The following UBE2W variants were observed in gnomAD, a reference collection of about 807,000 sequenced individuals.
UBE2W encodes ubiquitin-conjugating enzyme E2 W.
A neutral mutation model predicts 27.2 loss-of-function variants in UBE2W; 18 were observed. That is an observed-to-expected ratio of 0.66 (90% CI 0.46 to 0.98). UBE2W has a LOEUF of 0.98. Ranked by LOEUF, UBE2W falls within the 50% of genes least tolerant of loss-of-function variation. The probability of loss-of-function intolerance (pLI) is 0.00; values close to 1 mark genes in which losing one functional copy is unlikely to be tolerated. For synonymous variants in UBE2W, 53 were observed against 57.2 expected (o/e 0.93, Z 0.33); for missense variants, 90 against 180.2 (o/e 0.50, Z 2.87).
chr8:73,783,888 A>G (rs1011486052), downstream of UBE2W, among the ~76,000 whole-genome samples: 6 of 152,102 alleles, frequency 3.9e-5, no homozygotes, highest in Non-Finnish European at 5.9e-5. Flanking sequence ...CAGCCTCCCA[A>G]GTAGCTGGGA....
intron 4 of UBE2W, among the ~76,000 whole-genome samples, chr8:73,806,082 G>A (rs942791679): frequency 1.3e-5 from 2 of 152,054 alleles, no homozygotes; most frequent in Non-Finnish European, 2.9e-5. Flanking sequence ...TTGAACCCGG[G>A]AGGCAGAGGT....
chr8:73,813,083 C>CAAAAAAAAAAAAAAAAAAAAAA (rs56094830), intron 3 of UBE2W, among the ~76,000 whole-genome samples: 2 of 43,430 alleles, frequency 4.6e-5, no homozygotes, highest in Non-Finnish European at 8.1e-5. Context: ...GAAAGTGCCA[C>CAAAAAAAAAAAAAAAAAAAAAA]AAAAAAAAAA....
intron 1 of UBE2W, among the ~76,000 whole-genome samples, chr8:73,846,829 T>C (rs570367468): frequency 2.6e-5 from 4 of 152,264 alleles, no homozygotes; most frequent in African/African-American, 9.6e-5. Flanking sequence ...CTTTAGATTA[T>C]AATAAGTATG....
At chr8:73,855,802 TA>T (rs1181936017) in intron 1 of UBE2W, among the ~76,000 whole-genome samples, 3 of 152,220 alleles carry the variant, frequency 2.0e-5, no homozygotes, top group Admixed American at 1.3e-4. Flanking sequence ...TTTTTGTTAA[TA>T]AAAAAATCAT....
chr8:73,786,167 T>C (rs1239027105), downstream of UBE2W: 1 of 952,614 alleles, frequency 1.0e-6, no homozygotes, highest in Non-Finnish European at 1.2e-6. Flanking sequence ...GACAAGCAAT[T>C]TGCCTCAGAG....
chr8:73,856,162 TAAAC>T (rs1811289225), intron 1 of UBE2W, among the ~76,000 whole-genome samples: 1 of 152,096 alleles, frequency 6.6e-6, no homozygotes, highest in Non-Finnish European at 1.5e-5. Context: ...GTCAACCAAA[TAAAC>T]AAATTACCAT....
intron 1 of UBE2W, 89 bp downstream of exon 1, chr8:73,878,719 T>G: frequency 8.3e-7 from 1 of 1,198,902 alleles, no homozygotes; most frequent in Non-Finnish European, 1.2e-6. Context: ...CGCCCGGGTG[T>G]CCCCGAATCG....
At chr8:73,822,346 G>T (rs1463132816) in intron 3 of UBE2W, among the ~76,000 whole-genome samples, 2 of 151,976 alleles carry the variant, frequency 1.3e-5, no homozygotes, top group Non-Finnish European at 2.9e-5. Context: ...GAAGGTGACC[G>T]CTTCCACCTT....
intron 1 of UBE2W, among the ~76,000 whole-genome samples, chr8:73,874,779 T>C (rs1311614316): frequency 1.3e-5 from 2 of 152,242 alleles, no homozygotes; most frequent in African/African-American, 4.8e-5. Context: ...GATGGTTTCT[T>C]AAGACTGGGC....
intron 3 of UBE2W, among the ~76,000 whole-genome samples, chr8:73,814,873 G>C (rs1242539192): frequency 1.3e-5 from 2 of 152,150 alleles, no homozygotes; most frequent in Non-Finnish European, 2.9e-5. Flanking sequence ...GAGCAGTATG[G>C]CTTATTCAAA....
chr8:73,855,394 C>CTTTTTTTTTTTTTTTTTTTTTTT (rs66577299), intron 1 of UBE2W, among the ~76,000 whole-genome samples: 1 of 84,710 alleles, frequency 1.2e-5, no homozygotes, highest in African/African-American at 5.2e-5. Flanking sequence ...ATTCTACTTT[C>CTTTTTTTTTTTTTTTTTTTTTTT]TTTTTTTTTT....
chr8:73,828,665 A>G (rs1809949602), intron 2 of UBE2W, among the ~76,000 whole-genome samples: 2 of 152,172 alleles, frequency 1.3e-5, no homozygotes. Flanking sequence ...GTAGGTGTAT[A>G]TATCTTTGGG....
chr8:73,814,057 T>C (rs1809287173), intron 3 of UBE2W, among the ~76,000 whole-genome samples: 1 of 152,168 alleles, frequency 6.6e-6, no homozygotes, highest in African/African-American at 2.4e-5. Flanking sequence ...ATGTAAACTT[T>C]GCTAATCTGG....
intron 4 of UBE2W, among the ~76,000 whole-genome samples, chr8:73,781,008 G>A (rs1334081935): frequency 6.6e-6 from 1 of 151,810 alleles, no homozygotes; most frequent in Admixed American, 6.6e-5. Flanking sequence ...GGTGGCTCAC[G>A]CCTGTAATCC....
In UBE2W at chr8:73,790,334, C is replaced by T. The variant is rs1360029696; in HGVS notation, c.*3768G>A. ...AAAAGGACTACAAAGAGGATTGGGG[C>T]CAGTTGGTGCAGATTAAAAGACACC... On this transcript the variant is annotated 3_prime_UTR_variant, in exon 6 of 6. Coordinates refer to ENST00000602593, the MANE Select transcript of UBE2W (RefSeq NM_018299.6). 1.0e-6 allele frequency: 1 copy of T among 985,226 alleles called. No homozygotes were observed. The highest frequency in any genetic ancestry group is 1.7e-5 in the African/African-American group (1 of 57,308). 61.0% of individuals were successfully genotyped at this position (985,226 alleles called of 1,614,324 possible).
chr8:73,821,139 G>A (rs1212939034), intron 3 of UBE2W, among the ~76,000 whole-genome samples: 1 of 152,104 alleles, frequency 6.6e-6, no homozygotes, highest in Admixed American at 6.5e-5. Flanking sequence ...TTGGCAGTAT[G>A]GCAAAGGAGG....
In UBE2W at chr8:73,803,769, CT is replaced by C. The variant is rs534146460; in HGVS notation, c.442+1881del. Among the ~76,000 whole-genome samples, 919 of 128,322 alleles carry C rather than the reference CT, an allele frequency of 7.2e-3. 7 individuals are homozygous for C. The highest frequency in any genetic ancestry group is 0.023 in the African/African-American group (645 of 28,232). 84.2% of individuals were successfully genotyped at this position (128,322 alleles called of 152,430 possible). A position where few individuals can be genotyped will look rare whatever the true frequency, so the allele number is the denominator to read the frequency against. ...ATTTCTTTGTTTTCTTTTTTCTTTT[CT>C]TTTTTTTTTTTTTTGAGACGGAGGC... On this transcript the variant is annotated intron_variant, in intron 5 of 5. Transcript: ENST00000602593.
At position 73,865,180 on chromosome 8, in the gene UBE2W, C is replaced by CAAAAAAAAAAAAAA. The variant is rs11354153; in HGVS notation, c.15+13614_15+13627dup. 1.4e-3 allele frequency among the ~76,000 whole-genome samples: 45 copies of CAAAAAAAAAAAAAA among 32,852 alleles called. 9 individuals are homozygous for CAAAAAAAAAAAAAA. Among genetic ancestry groups the CAAAAAAAAAAAAAA allele is most frequent in the African/African-American group, 3.6e-3 (43 of 11,936 alleles). The allele number at this position is 32,852 out of a possible 152,430, so 21.6% of individuals were successfully genotyped here. On this transcript the variant is annotated intron_variant, in intron 1 of 5. Coordinates refer to ENST00000602593, the MANE Select transcript of UBE2W (RefSeq NM_018299.6). ...CACTGCTCTTTAAGTGTGCAAACGT[C>CAAAAAAAAAAAAAA]AAAAAAAAAAAAAAAAAAAAAAAAA...
chr8:73,855,438 G>A (rs578148614), intron 1 of UBE2W, among the ~76,000 whole-genome samples: 57 of 115,806 alleles, frequency 4.9e-4, no homozygotes, highest in African/African-American at 1.6e-3. Flanking sequence ...GTCTCACTCT[G>A]TCACCCATGC....
Sources: allele counts gnomAD v4.1 joint callset (sites outside exome capture counted in the v4.1 genomes callset), GRCh38; gene constraint gnomAD v4.1.1; transcripts MANE v1.5; gene names NCBI Gene and HGNC (gene_info 2026-07-23, HGNC 2026-07-21).